The following TENM4 variants were observed in gnomAD, a reference collection of about 807,000 sequenced individuals.
TENM4 encodes the protein teneurin-4.
In TENM4, 82 loss-of-function variants were observed where a neutral mutation model predicts 243.3. The observed-to-expected ratio is 0.34, with a 90% CI of 0.28 to 0.40. The LOEUF (loss-of-function observed/expected upper bound fraction) is 0.40. TENM4 is among the 10% of genes least tolerant of loss of function. TENM4 has a pLI of 1.00. For synonymous variants in TENM4, 1,412 were observed against 1,456.3 expected, an observed-to-expected ratio of 0.97 and a Z score of 0.69; for missense variants, 3,138 against 3,673.3, an observed-to-expected ratio of 0.85 and a Z score of 3.77.
At chr11:78,741,914 C>T (rs1855940410) in intron 19 of TENM4, among the ~76,000 whole-genome samples, 1 of 152,110 alleles carries the variant, frequency 6.6e-6, no homozygotes, top group Non-Finnish European at 1.5e-5. Context: ...TACCAGTCCT[C>T]TATTTGACAT....
At chr11:78,895,671 T>C (rs941963819) in intron 7 of TENM4, among the ~76,000 whole-genome samples, 50 of 152,218 alleles carry the variant, frequency 3.3e-4, no homozygotes, top group Admixed American at 3.0e-3. Context: ...TCACGCAGGG[T>C]CTCCTGCTCA....
At chr11:79,005,930 T>C (rs1858469563) in intron 6 of TENM4, among the ~76,000 whole-genome samples, 1 of 152,180 alleles carries the variant, frequency 6.6e-6, no homozygotes, top group African/African-American at 2.4e-5. Context: ...CAAAAATCAG[T>C]AGCATTTCTA....
At chr11:79,246,811 G>A (rs1246218063) in intron 2 of TENM4, among the ~76,000 whole-genome samples, 2 of 152,150 alleles carry the variant, frequency 1.3e-5, no homozygotes, top group African/African-American at 4.8e-5. Context: ...CGAGGTGGAG[G>A]TGAGGGAAGA....
intron 27 of TENM4, among the ~76,000 whole-genome samples, chr11:78,704,109 G>A (rs1445208475): frequency 1.4e-5 from 2 of 145,658 alleles, no homozygotes; most frequent in Non-Finnish European, 3.0e-5. Context: ...GTATGTGTGT[G>A]TGTCTATATA....
chr11:78,914,053 G>A (rs1027253721), intron 6 of TENM4, among the ~76,000 whole-genome samples: 7 of 152,190 alleles, frequency 4.6e-5, no homozygotes, highest in African/African-American at 1.7e-4. Flanking sequence ...TATGCCCACA[G>A]AATTCATGTG....
intron 6 of TENM4, among the ~76,000 whole-genome samples, chr11:79,028,270 T>C (rs1463588829): frequency 6.6e-6 from 1 of 152,218 alleles, no homozygotes; most frequent in African/African-American, 2.4e-5. Context: ...AGACTATGTA[T>C]TTTCCACTGT....
chr11:79,143,883 A>T (rs987649748), intron 4 of TENM4, among the ~76,000 whole-genome samples: 1 of 151,852 alleles, frequency 6.6e-6, no homozygotes, highest in African/African-American at 2.4e-5. Flanking sequence ...AGGACACTGG[A>T]CTAGGCAAAG....
At chr11:79,069,183 G>C (rs1860343036) in intron 5 of TENM4, among the ~76,000 whole-genome samples, 1 of 152,190 alleles carries the variant, frequency 6.6e-6, no homozygotes, top group Admixed American at 6.5e-5. Flanking sequence ...AAATTACTAA[G>C]TTTTCATGTC....
intron 1 of TENM4, among the ~76,000 whole-genome samples, chr11:79,424,511 A>G (rs10899621): frequency 0.62 from 94,439 of 151,876 alleles, 29,430 homozygotes; most frequent in Non-Finnish European, 0.64. Context: ...ATACTTGGGG[A>G]ACTGAGGTGG....
At chr11:78,695,905 T>G (rs953619515) in intron 28 of TENM4, among the ~76,000 whole-genome samples, 1 of 151,872 alleles carries the variant, frequency 6.6e-6, no homozygotes, top group African/African-American at 2.4e-5. Context: ...TCTGAGCTTT[T>G]TGGATCTGTG....
At chr11:78,739,651 C>T (rs751604853) in intron 19 of TENM4, among the ~76,000 whole-genome samples, 7 of 151,886 alleles carry the variant, frequency 4.6e-5, no homozygotes, top group South Asian at 2.1e-4. Context: ...GAAACAGAAA[C>T]GTTAGGGTAG....
intron 1 of TENM4, among the ~76,000 whole-genome samples, chr11:79,384,358 G>T (rs1046794548): frequency 6.6e-6 from 1 of 152,118 alleles, no homozygotes; most frequent in Admixed American, 6.5e-5. Context: ...GTCCAGCCTC[G>T]CACTTGATCT....
At chr11:79,198,548 G>A (rs1295697330) in intron 3 of TENM4, among the ~76,000 whole-genome samples, 12 of 152,234 alleles carry the variant, frequency 7.9e-5, no homozygotes. Flanking sequence ...AAGAAGTTAT[G>A]TGAAGAAACA....
At chr11:78,992,722 T>C (rs554711633) in intron 6 of TENM4, among the ~76,000 whole-genome samples, 28 of 152,308 alleles carry the variant, frequency 1.8e-4, no homozygotes, top group African/African-American at 6.5e-4. Flanking sequence ...AGAGAAGGTG[T>C]TTTGTCCAGC....
In TENM4 at chr11:78,949,484, A is replaced by C. The variant is rs145745370; in HGVS notation, c.494-45961T>G. 5.6e-3 allele frequency among the ~76,000 whole-genome samples: 856 copies of C among 152,366 alleles called. 9 individuals carry two copies. The highest frequency in any genetic ancestry group is 0.019 in the African/African-American group (777 of 41,594). Reference sequence around the variant, plus strand: ...TTCCATAAAATAAAAGGGTTGATCTAAATCAGTGGGTTTCAAACTTGGAAA... The same window carrying C: ...TTCCATAAAATAAAAGGGTTGATCTCAATCAGTGGGTTTCAAACTTGGAAA... On this transcript the variant is annotated intron_variant, in intron 6 of 33. Coordinates refer to ENST00000278550, the MANE Select transcript of TENM4 (RefSeq NM_001098816.3).
intron 19 of TENM4, chr11:78,749,141 G>A (rs1018450195): frequency 6.6e-6 from 1 of 152,222 alleles, no homozygotes; most frequent in African/African-American, 2.4e-5. Context: ...GGCAGAGGAG[G>A]AGTTGTTAGC....
chr11:79,220,185 A>G (rs979387284), intron 2 of TENM4, among the ~76,000 whole-genome samples: 2 of 152,254 alleles, frequency 1.3e-5, no homozygotes, highest in African/African-American at 4.8e-5. Context: ...TCAGAACTGT[A>G]TCATCGCACC....
At position 78,700,919 on chromosome 11, in the gene TENM4, G is replaced by A. The variant is rs115000379; in HGVS notation, c.5087+607C>T. 6.9e-3 allele frequency among the ~76,000 whole-genome samples: 1,052 copies of A among 152,184 alleles called. 15 individuals carry two copies. The highest frequency in any genetic ancestry group is 0.025 in the African/African-American group (1,022 of 41,532). On this transcript the variant is annotated intron_variant, in intron 28 of 33. Coordinates refer to ENST00000278550, the MANE Select transcript of TENM4 (RefSeq NM_001098816.3). ...CTGAAAGCTCTCTTCATATTACAGC[G>A]TAATATGCAATTGTTGTTCCTTATT... is the stretch of plus-strand genomic sequence containing the variant.
intron 1 of TENM4, among the ~76,000 whole-genome samples, chr11:79,382,182 G>A (rs1411950246): frequency 2.0e-5 from 3 of 152,180 alleles, no homozygotes; most frequent in Non-Finnish European, 2.9e-5. Flanking sequence ...AGATTCAAAT[G>A]TAACTCGTCT....
Sources: allele counts gnomAD v4.1 joint callset (sites outside exome capture counted in the v4.1 genomes callset), GRCh38; gene constraint gnomAD v4.1.1; transcripts MANE v1.5; gene names NCBI Gene and HGNC (gene_info 2026-07-23, HGNC 2026-07-21).